The following MAP3K15 variants were observed in gnomAD, a reference collection of about 807,000 sequenced individuals.
MAP3K15 encodes mitogen-activated protein kinase kinase kinase 15.
In MAP3K15, 124 loss-of-function variants were observed where a neutral mutation model predicts 99.5. The observed-to-expected ratio is 1.25, with a 90% CI of 1.08 to 1.45. MAP3K15 has a LOEUF of 1.45. MAP3K15 is among the 40% of genes most tolerant of loss of function. The pLI, the probability that MAP3K15 is intolerant of heterozygous loss-of-function variation, is 0.00. For synonymous variants in MAP3K15, 494 were observed against 439.6 expected (o/e 1.12, Z -1.55); for missense variants, 1,242 against 1,079.7 (o/e 1.15, Z -2.11).
chrX:19,445,351 G>A (rs1368021569), intron 6 of MAP3K15, among the ~76,000 whole-genome samples: 1 of 110,098 alleles, frequency 9.1e-6, no homozygotes, highest in African/African-American at 3.3e-5. Context: ...AGCACTTTGG[G>A]AGGCTGAGGT....
At chrX:19,482,440 C>T (rs772844425) in intron 3 of MAP3K15, among the ~76,000 whole-genome samples, 6 of 112,001 alleles carry the variant, frequency 5.4e-5, no homozygotes, top group Non-Finnish European at 1.1e-4. Context: ...CATCCATGAT[C>T]CTAGTGCATT....
chrX:19,474,259 A>G (rs1392855611), intron 3 of MAP3K15, among the ~76,000 whole-genome samples: 2 of 111,351 alleles, frequency 1.8e-5, no homozygotes, highest in East Asian at 2.8e-4. Context: ...ATATAGAAAC[A>G]AAGTATCATC....
intron 9 of MAP3K15, among the ~76,000 whole-genome samples, chrX:19,417,215 C>T (rs946460055): frequency 4.5e-5 from 5 of 112,346 alleles, no homozygotes; most frequent in Non-Finnish European, 9.4e-5. Context: ...GGGGGTGCAG[C>T]GCACCAAGCG....
At position 19,372,663 on chromosome X, in the gene MAP3K15, C is replaced by G. The variant is rs140332145; in HGVS notation, c.3098G>C (p.Cys1033Ser). The part of the protein sequence containing the change: ...QNQVASNLQE[C>S]VAQSSEELHL... Reference sequence around the variant, plus strand: ...CCCTCGGGCAAATACCTGGGCCACACACTCCTGCAGGTTGGAAGCCACCTG... The same window carrying G: ...CCCTCGGGCAAATACCTGGGCCACAGACTCCTGCAGGTTGGAAGCCACCTG... Residue 1033 changes from cysteine (C) to serine (S), a missense_variant, in exon 22 of 29, where the codon TGT (cysteine) becomes TCT (serine). Coordinates refer to ENST00000338883, the MANE Select transcript of MAP3K15 (RefSeq NM_001001671.4). 3.3e-6 allele frequency: 4 copies of G among 1,203,875 alleles called. No homozygotes were observed. The African/African-American group carries it at 7.0e-5, about 21-fold the overall frequency.
At chrX:19,413,236 T>C (rs984536786) in intron 11 of MAP3K15, 121 bp downstream of exon 11, 2 of 501,383 alleles carry the variant, frequency 4.0e-6, no homozygotes. Flanking sequence ...TCTGTGATGA[T>C]ACTCTCTCAT....
rs10589040 is a variant in MAP3K15, at chrX:19,465,830, G to GGTGTGTGTGTGT, written c.526-1436_526-1425dup. 3.0e-3 allele frequency among the ~76,000 whole-genome samples: 283 copies of GGTGTGTGTGTGT among 93,999 alleles called. 2 individuals are homozygous for GGTGTGTGTGTGT. Among genetic ancestry groups the GGTGTGTGTGTGT allele is most frequent in the African/African-American group, 8.2e-3 (213 of 25,850 alleles). The allele number at this position is 93,999 out of a possible 115,157, so 81.6% of individuals were successfully genotyped here. A position where few individuals can be genotyped will look rare whatever the true frequency, so the allele number is the denominator to read the frequency against. On this transcript the variant is annotated intron_variant, in intron 3 of 28. Coordinates refer to ENST00000338883, the MANE Select transcript of MAP3K15 (RefSeq NM_001001671.4). ...AAGGGTAAAAATTCAGGTGTGTAGG[G>GGTGTGTGTGTGT]GTGTGTGTGTGTGTGTGTGTGTGTG...
At chrX:19,487,791 G>A (rs1382720885) in intron 2 of MAP3K15, among the ~76,000 whole-genome samples, 1 of 111,655 alleles carries the variant, frequency 9.0e-6, no homozygotes, top group Non-Finnish European at 1.9e-5. Context: ...GAAACACAAT[G>A]AAAATGTCCA....
Position 19,468,919 on chromosome X carries a change from G to A in MAP3K15, c.526-4513C>T, listed in dbSNP as rs1018162928. ...TCACTCATGATTTGGCTCTCTGTCTGTTATTGGCGTATAAGAATGCTTGTG... is the reference window on the plus strand; with the variant it reads ...TCACTCATGATTTGGCTCTCTGTCTATTATTGGCGTATAAGAATGCTTGTG... On this transcript the variant is annotated intron_variant, in intron 3 of 28. Coordinates refer to ENST00000338883, the MANE Select transcript of MAP3K15 (RefSeq NM_001001671.4). Among the ~76,000 whole-genome samples, 4 of 111,451 alleles carry A rather than the reference G, an allele frequency of 3.6e-5. No individual in the cohort carries two copies. In the South Asian group the frequency reaches 1.5e-3, roughly 42 times the overall value.
At chrX:19,509,016 T>C (rs750228903) in intron 1 of MAP3K15, among the ~76,000 whole-genome samples, 26 of 112,207 alleles carry the variant, frequency 2.3e-4, no homozygotes, top group African/African-American at 8.1e-4. Flanking sequence ...CCACTTGCTC[T>C]TGCTTACGTC....
chrX:19,476,082 GT>G (rs1161102641), intron 3 of MAP3K15, among the ~76,000 whole-genome samples: 1 of 112,387 alleles, frequency 8.9e-6, no homozygotes, highest in Non-Finnish European at 1.9e-5. Flanking sequence ...ATATGTCTGA[GT>G]TTGTACCAGC....
chrX:19,406,671 A>C (rs982778870), intron 13 of MAP3K15, among the ~76,000 whole-genome samples: 1 of 112,518 alleles, frequency 8.9e-6, no homozygotes, highest in African/African-American at 3.2e-5. Context: ...TGGTTGGAAA[A>C]CTATGACTAT....
At chrX:19,491,383 C>T (rs757757464) in intron 1 of MAP3K15, among the ~76,000 whole-genome samples, 1 of 111,402 alleles carries the variant, frequency 9.0e-6, no homozygotes, top group East Asian at 2.8e-4. Context: ...CAGGAGGGCA[C>T]ATAATCCACA....
At chrX:19,416,699 C>T (rs1198370561) in intron 9 of MAP3K15, among the ~76,000 whole-genome samples, 1 of 112,096 alleles carries the variant, frequency 8.9e-6, no homozygotes, top group Non-Finnish European at 1.9e-5. Flanking sequence ...TTCATGAAGC[C>T]GTCACTGCAG....
intron 6 of MAP3K15, among the ~76,000 whole-genome samples, chrX:19,454,703 C>G (rs1311813432): frequency 8.9e-6 from 1 of 112,088 alleles, no homozygotes. Flanking sequence ...TCACTATTTT[C>G]CCCTTTACAG....
chrX:19,477,376 A>T (rs1369829189), intron 3 of MAP3K15, among the ~76,000 whole-genome samples: 1 of 111,994 alleles, frequency 8.9e-6, no homozygotes, highest in Non-Finnish European at 1.9e-5. Flanking sequence ...ACCTAAGATG[A>T]GGCAGAAATA....
In MAP3K15 at chrX:19,456,997, A is replaced by T. The variant is rs767425175; in HGVS notation, c.911T>A (p.Leu304Gln). 1 of 1,196,281 alleles carries T rather than the reference A, an allele frequency of 8.4e-7. No homozygotes were observed. Among genetic ancestry groups the T allele is most frequent in the Admixed American group, 2.2e-5 (1 of 45,661 alleles). ...DIQDYDAMVK[L>Q]VETLEMLPTC... Reference sequence around the variant, plus strand: ...AGGCAGCATCTCCAGTGTTTCCACCAGCTTCACCATCGCATCATAGTCCTG... The same window carrying T: ...AGGCAGCATCTCCAGTGTTTCCACCTGCTTCACCATCGCATCATAGTCCTG... Residue 304 changes from leucine (L) to glutamine (Q), a missense_variant, in exon 6 of 29, where the codon CTG becomes CAG. Coordinates refer to ENST00000338883, the MANE Select transcript of MAP3K15 (RefSeq NM_001001671.4).
intron 9 of MAP3K15, among the ~76,000 whole-genome samples, chrX:19,417,103 A>G (rs1346992609): frequency 8.9e-6 from 1 of 112,021 alleles, no homozygotes; most frequent in African/African-American, 3.3e-5. Context: ...TCCAGTCGAC[A>G]GCCCCCAGCA....
At chrX:19,481,270 A>C (rs1245704536) in intron 3 of MAP3K15, among the ~76,000 whole-genome samples, 1 of 109,421 alleles carries the variant, frequency 9.1e-6, no homozygotes. Context: ...CAAAGATGAC[A>C]AGACAGTTTT....
intron 5 of MAP3K15, among the ~76,000 whole-genome samples, chrX:19,458,914 CAAGACATCCT>C (rs1569231864): frequency 9.0e-6 from 1 of 111,190 alleles, no homozygotes; most frequent in Non-Finnish European, 1.9e-5. Flanking sequence ...GAAAGGAAGC[CAAGACATCCT>C]TAGAGATGGC....
Sources: allele counts gnomAD v4.1 joint callset (sites outside exome capture counted in the v4.1 genomes callset), GRCh38; gene constraint gnomAD v4.1.1; transcripts MANE v1.5; gene names NCBI Gene and HGNC (gene_info 2026-07-23, HGNC 2026-07-21).